HERC3: variants seen among roughly 807,000 people sequenced by gnomAD.
The protein encoded by HERC3 is probable E3 ubiquitin-protein ligase HERC3.
Under a neutral mutation model 129.9 loss-of-function variants are expected in HERC3, and 58 were observed. The observed-to-expected ratio is 0.45, with a 90% CI of 0.36 to 0.56. The LOEUF (loss-of-function observed/expected upper bound fraction) is 0.56. HERC3 is among the 20% of genes least tolerant of loss of function. The pLI, the probability that HERC3 is intolerant of heterozygous loss-of-function variation, is 0.00. For synonymous variants in HERC3, 430 were observed against 451.0 expected, an observed-to-expected ratio of 0.95 and a Z score of 0.59; for missense variants, 835 against 1,244.2, an observed-to-expected ratio of 0.67 and a Z score of 4.95.
chr4:88,679,252 A>G (rs1732495292), intron 19 of HERC3, among the ~76,000 whole-genome samples: 1 of 152,266 alleles, frequency 6.6e-6, no homozygotes, highest in South Asian at 2.1e-4. Flanking sequence ...ACCATTATGT[A>G]TCCATCATGC....
chr4:88,613,666 T>C lies in HERC3; in HGVS notation c.226+7617T>C, dbSNP rs1035046693. On this transcript the variant is annotated intron_variant, in intron 3 of 25. Transcript: ENST00000402738. The stretch of plus-strand genomic sequence containing the variant: ...GGGACCCTGTAATGACTTCCTGTTA[T>C]TGAAGTGCGTGTTTCTATGGGCATA... Among the ~76,000 whole-genome samples, 2 of 152,338 alleles carry C rather than the reference T, an allele frequency of 1.3e-5. 1 individual carries two copies. The highest frequency in any genetic ancestry group is 4.1e-4 in the South Asian group (2 of 4,832).
At chr4:88,653,910 C>T (rs773670336) in intron 6 of HERC3, 132 bp from the exon 7 acceptor site, 97 of 653,464 alleles carry the variant, frequency 1.5e-4, no homozygotes, top group Middle Eastern at 1.1e-3. Context: ...GTTGGATATC[C>T]AAGTACAGAT....
chr4:88,618,280 T>C (rs1309565249), intron 3 of HERC3, among the ~76,000 whole-genome samples: 1 of 152,256 alleles, frequency 6.6e-6, no homozygotes, highest in Admixed American at 6.5e-5. Flanking sequence ...TTCATCTTTC[T>C]GTTCTTCATG....
chr4:88,601,491 C>T (rs1722957722), intron 2 of HERC3, among the ~76,000 whole-genome samples: 1 of 152,232 alleles, frequency 6.6e-6, no homozygotes, highest in Non-Finnish European at 1.5e-5. Context: ...CTGTCTCCTT[C>T]ATATGTTGAC....
intron 5 of HERC3, 149 bp downstream of exon 5, chr4:88,652,237 G>A: frequency 1.6e-6 from 1 of 631,560 alleles, no homozygotes. Flanking sequence ...TCTCATATGG[G>A]CTTTGCATAG....
In HERC3 at chr4:88,642,467, C is replaced by T. The variant is rs574757871; in HGVS notation, c.227-7373C>T. Among the ~76,000 whole-genome samples the T allele has an allele frequency of 1.1e-4, 16 of 152,340 alleles. No individual in the cohort carries two copies. In the South Asian group the frequency reaches 3.1e-3, roughly 30 times the overall value. On this transcript the variant is annotated intron_variant, in intron 3 of 25. Transcript: ENST00000402738. ...ACAGTGTTGGAAGATTGCATTCTTT[C>T]AGTTCATTTGGGGTGCTATAACAAA...
intron 6 of HERC3, among the ~76,000 whole-genome samples, chr4:88,653,701 A>G (rs1364934947): frequency 6.6e-6 from 1 of 152,178 alleles, no homozygotes; most frequent in Admixed American, 6.6e-5. Context: ...GATTTTAAAC[A>G]TATTTTGAAG....
At chr4:88,654,615 A>G (rs1216803567) in intron 7 of HERC3, among the ~76,000 whole-genome samples, 1 of 150,886 alleles carries the variant, frequency 6.6e-6, no homozygotes, top group Non-Finnish European at 1.5e-5. Flanking sequence ...TCATTTAAAT[A>G]TGTAAAAAAG....
the HERC3 span, among the ~76,000 whole-genome samples, chr4:88,575,895 T>A: frequency 6.6e-6 from 1 of 152,330 alleles, no homozygotes; most frequent in Non-Finnish European, 1.5e-5. Flanking sequence ...GTATGCTAGG[T>A]GCTGCGTAGA....
At chr4:88,543,155 T>C in the HERC3 span, among the ~76,000 whole-genome samples, 1 of 152,160 alleles carries the variant, frequency 6.6e-6, no homozygotes, top group Non-Finnish European at 1.5e-5. Context: ...ATTGTCCCTG[T>C]TTGCAAATGA....
intron 16 of HERC3, 44 bp from the exon 17 acceptor site, chr4:88,676,174 G>T (rs369581125): frequency 7.1e-7 from 1 of 1,401,456 alleles, no homozygotes. Context: ...TAAAATTCAG[G>T]GTTTACAATT....
chr4:88,561,854 T>C, the HERC3 span, among the ~76,000 whole-genome samples: 1 of 152,152 alleles, frequency 6.6e-6, no homozygotes, highest in Admixed American at 6.5e-5. Context: ...CATTCTTTTT[T>C]ATGGCTAAAT....
chr4:88,604,921 G>A (rs1723454009), intron 2 of HERC3, among the ~76,000 whole-genome samples: 2 of 152,186 alleles, frequency 1.3e-5, no homozygotes, highest in Admixed American at 1.3e-4. Flanking sequence ...TCATTGTGGT[G>A]TGAATTGGTA....
At position 88,649,667 on chromosome 4, in the gene HERC3, G is replaced by A. The variant is rs115317504; in HGVS notation, c.227-173G>A. ...GGGATGTGTGTTACCCCGGGTCTCCGAATGTAAATTGATAGAGTTTAGAAA... is the reference window on the plus strand; with the variant it reads ...GGGATGTGTGTTACCCCGGGTCTCCAAATGTAAATTGATAGAGTTTAGAAA... On this transcript the variant is annotated intron_variant, in intron 3 of 25. Transcript: ENST00000402738. 8.4e-3 allele frequency among the ~76,000 whole-genome samples: 1,280 copies of A among 152,150 alleles called. 15 individuals are homozygous for A. Among genetic ancestry groups the A allele is most frequent in the Non-Finnish European group, 0.014 (932 of 68,004 alleles).
intron 23 of HERC3, 67 bp downstream of exon 23, chr4:88,687,366 C>A: frequency 9.4e-7 from 1 of 1,062,038 alleles, no homozygotes; most frequent in East Asian, 2.6e-5. Flanking sequence ...ACATTTAAGA[C>A]CAAAATAAAA....
At chr4:88,705,211 G>C (rs774182809) in intron 25 of HERC3, among the ~76,000 whole-genome samples, 2 of 152,104 alleles carry the variant, frequency 1.3e-5, no homozygotes, top group Non-Finnish European at 2.9e-5. Context: ...TTATATGTAA[G>C]TTATTCAAGT....
chr4:88,533,452 A>C, the HERC3 span, among the ~76,000 whole-genome samples: 1 of 152,176 alleles, frequency 6.6e-6, no homozygotes, highest in African/African-American at 2.4e-5. Flanking sequence ...CTGATTTTAT[A>C]AATAAAATTG....
At chr4:88,596,084 C>T (rs1430181473) in intron 2 of HERC3, among the ~76,000 whole-genome samples, 2 of 152,008 alleles carry the variant, frequency 1.3e-5, no homozygotes, top group Non-Finnish European at 2.9e-5. Context: ...CTCCTGACCT[C>T]GTGATCCGCC....
At chr4:88,640,061 A>G (rs1360124984) in intron 3 of HERC3, among the ~76,000 whole-genome samples, 1 of 152,230 alleles carries the variant, frequency 6.6e-6, no homozygotes, top group Non-Finnish European at 1.5e-5. Flanking sequence ...GGCGATTATT[A>G]AAAAGTTGAG....
Sources: gnomAD v4.1 joint callset for allele counts (sites outside exome capture counted in the v4.1 genomes callset) on GRCh38, gnomAD v4.1.1 for gene constraint, MANE v1.5 for transcripts, NCBI Gene and HGNC (gene_info 2026-07-23, HGNC 2026-07-21) for gene names.